CLASP1: variants seen among roughly 807,000 people sequenced by gnomAD.
CLASP1 encodes the protein CLIP-associating protein 1.
Under a neutral mutation model 192.3 loss-of-function variants are expected in CLASP1, and 38 were observed. The observed-to-expected ratio is 0.20, with a 90% CI of 0.15 to 0.26. The LOEUF is 0.26. Ranked by LOEUF, CLASP1 falls within the 10% of genes least tolerant of loss-of-function variation. CLASP1 has a pLI of 1.00. For synonymous variants in CLASP1, 691 were observed against 712.8 expected (o/e 0.97, Z 0.49); for missense variants, 1,433 against 1,932.5 (o/e 0.74, Z 4.85).
chr2:121,549,619 A>C (rs2057817568), intron 2 of CLASP1, among the ~76,000 whole-genome samples: 1 of 151,794 alleles, frequency 6.6e-6, no homozygotes, highest in African/African-American at 2.4e-5. Context: ...CTCTCCACCC[A>C]AAAATAACAG....
At chr2:121,464,612 T>C (rs981713385) in intron 9 of CLASP1, among the ~76,000 whole-genome samples, 2 of 152,252 alleles carry the variant, frequency 1.3e-5, no homozygotes, top group African/African-American at 2.4e-5. Flanking sequence ...GTGAGCATTT[T>C]TTCATGTGTT....
At chr2:121,361,025 C>T (rs1193905497) in intron 37 of CLASP1, among the ~76,000 whole-genome samples, 1 of 152,132 alleles carries the variant, frequency 6.6e-6, no homozygotes, top group Non-Finnish European at 1.5e-5. Flanking sequence ...ATGTTGTTAA[C>T]TTATACTTCT....
At chr2:121,633,599 C>A (rs2070218954) in intron 1 of CLASP1, among the ~76,000 whole-genome samples, 1 of 152,202 alleles carries the variant, frequency 6.6e-6, no homozygotes, top group Non-Finnish European at 1.5e-5. Context: ...TGCCTCTTAT[C>A]TGTAGCCACT....
chr2:121,413,579 A>T (rs1241622705), intron 23 of CLASP1, among the ~76,000 whole-genome samples: 1 of 152,202 alleles, frequency 6.6e-6, no homozygotes, highest in East Asian at 1.9e-4. Flanking sequence ...GCTGCAAAGG[A>T]TACCTCTGGC....
chr2:121,515,355 C>T (rs934799404), intron 7 of CLASP1, among the ~76,000 whole-genome samples: 2 of 152,098 alleles, frequency 1.3e-5, no homozygotes, highest in Non-Finnish European at 2.9e-5. Context: ...GATATAGATA[C>T]AGAATCATAG....
intron 19 of CLASP1, among the ~76,000 whole-genome samples, chr2:121,433,699 T>C (rs2149674012): frequency 6.6e-6 from 1 of 152,344 alleles, no homozygotes; most frequent in Admixed American, 6.5e-5. Flanking sequence ...AAGGTTGCAG[T>C]GAGCTGAGAT....
exon 39 of CLASP1, chr2:121,347,128 C>G: frequency 6.3e-7 from 1 of 1,579,840 alleles, no homozygotes; most frequent in African/African-American, 1.3e-5. Context: ...TGGCCTTACG[C>G]ACACTACTTT....
chr2:121,382,799 C>T (rs1174485039), intron 32 of CLASP1, among the ~76,000 whole-genome samples: 1 of 152,160 alleles, frequency 6.6e-6, no homozygotes, highest in African/African-American at 2.4e-5. Context: ...ACTCAGAGAC[C>T]GTGCTACTCT....
At chr2:121,413,287 CA>C (rs370176882) in intron 23 of CLASP1, among the ~76,000 whole-genome samples, 1 of 151,680 alleles carries the variant, frequency 6.6e-6, no homozygotes, top group African/African-American at 2.4e-5. Context: ...AACAAACAAA[CA>C]AAAAAAGCAA....
chr2:121,602,919 C>T (rs958142416), intron 2 of CLASP1, among the ~76,000 whole-genome samples: 1 of 151,820 alleles, frequency 6.6e-6, no homozygotes, highest in Non-Finnish European at 1.5e-5. Flanking sequence ...ATAAATAAGA[C>T]CTCAAAAGCA....
At chr2:121,547,626 C>G (rs2057592266) in intron 2 of CLASP1, among the ~76,000 whole-genome samples, 2 of 152,124 alleles carry the variant, frequency 1.3e-5, no homozygotes, top group Admixed American at 1.3e-4. Flanking sequence ...CAATGGGCAG[C>G]TCGGGAATGC....
intron 32 of CLASP1, among the ~76,000 whole-genome samples, chr2:121,386,240 T>C (rs1047373608): frequency 1.3e-5 from 2 of 152,238 alleles, no homozygotes; most frequent in Non-Finnish European, 2.9e-5. Context: ...AATAGCATAC[T>C]TGTGGTATTT....
intron 2 of CLASP1, among the ~76,000 whole-genome samples, chr2:121,561,524 C>G (rs1404714337): frequency 6.6e-6 from 1 of 152,088 alleles, no homozygotes; most frequent in East Asian, 1.9e-4. Flanking sequence ...TTTGGTTTCC[C>G]TAGGCCCCAC....
In CLASP1 at chr2:121,599,860, G is replaced by A. The variant is rs1023433817; in HGVS notation, c.195+5841C>T. Among the ~76,000 whole-genome samples, 22 of 147,908 alleles carry A rather than the reference G, an allele frequency of 1.5e-4. 2 individuals carry two copies. In the Middle Eastern group the frequency reaches 0.011, roughly 72 times the overall value. ...ATTTGAACCAGGAAGCAAAGGTAAC[G>A]GTGAGCCAAGATCACACCACTGCAC... is the stretch of plus-strand genomic sequence containing the variant. On this transcript the variant is annotated intron_variant, in intron 2 of 39. Coordinates refer to ENST00000263710, the Ensembl canonical transcript of CLASP1.
chr2:121,578,451 C>G (rs905772331), intron 2 of CLASP1, among the ~76,000 whole-genome samples: 2 of 141,548 alleles, frequency 1.4e-5, no homozygotes, highest in African/African-American at 5.2e-5. Flanking sequence ...AAAAAAGGGC[C>G]AGGTGCAGTG....
intron 2 of CLASP1, among the ~76,000 whole-genome samples, chr2:121,596,025 G>A (rs1241217915): frequency 1.3e-5 from 2 of 152,166 alleles, no homozygotes; most frequent in African/African-American, 2.4e-5. Context: ...GAGTGGCAGA[G>A]CCAGAAGAGG....
intron 2 of CLASP1, among the ~76,000 whole-genome samples, chr2:121,550,005 CAA>C (rs59439843): frequency 5.6e-4 from 31 of 55,678 alleles, no homozygotes; most frequent in Middle Eastern, 0.011. Flanking sequence ...GACTCCGTCT[CAA>C]AAAAAAAAAA....
intron 23 of CLASP1, among the ~76,000 whole-genome samples, chr2:121,416,832 ACT>A (rs934957936): frequency 7.2e-5 from 11 of 152,104 alleles, no homozygotes; most frequent in African/African-American, 2.4e-4. Context: ...TCTGCCTAAG[ACT>A]CTGACGATGA....
At chr2:121,432,013 C>T (rs529078232) in intron 19 of CLASP1, among the ~76,000 whole-genome samples, 1 of 152,284 alleles carries the variant, frequency 6.6e-6, no homozygotes, top group East Asian at 1.9e-4. Flanking sequence ...TCAAGCAGCA[C>T]TTATGTGTGT....
Sources: gnomAD v4.1 joint callset for allele counts (sites outside exome capture counted in the v4.1 genomes callset) on GRCh38, gnomAD v4.1.1 for gene constraint, MANE v1.5 for transcripts, NCBI Gene and HGNC (gene_info 2026-07-23, HGNC 2026-07-21) for gene names.